The following SH3GL2 variants were observed in gnomAD, a reference collection of about 807,000 sequenced individuals.
The protein encoded by SH3GL2 is SH3 domain containing GRB2 like 2, endophilin A1.
In SH3GL2, 24 loss-of-function variants were observed where a neutral mutation model predicts 46.0. That is an observed-to-expected ratio of 0.52 (90% CI 0.38 to 0.73). The LOEUF is 0.73. Ranked by LOEUF, SH3GL2 falls within the 30% of genes least tolerant of loss-of-function variation. The pLI is 0.00. For synonymous variants in SH3GL2, 196 were observed against 147.1 expected, an observed-to-expected ratio of 1.33 and a Z score of -2.40; for missense variants, 413 against 424.2, an observed-to-expected ratio of 0.97 and a Z score of 0.23.
At chr9:17,783,548 GATGCTACAGATT>G (rs1823872599) in intron 3 of SH3GL2, among the ~76,000 whole-genome samples, 1 of 151,992 alleles carries the variant, frequency 6.6e-6, no homozygotes, top group Non-Finnish European at 1.5e-5. Context: ...GCTCGTCAGG[GATGCTACAGATT>G]ATGCTTTAGA....
At chr9:17,635,594 C>A (rs573021735) in intron 1 of SH3GL2, among the ~76,000 whole-genome samples, 1 of 152,276 alleles carries the variant, frequency 6.6e-6, no homozygotes, top group South Asian at 2.1e-4. Context: ...GCACATGCCT[C>A]CTGGGGTTCG....
intron 3 of SH3GL2, among the ~76,000 whole-genome samples, chr9:17,777,902 A>C (rs1480017461): frequency 6.6e-6 from 1 of 151,972 alleles, no homozygotes; most frequent in Non-Finnish European, 1.5e-5. Context: ...TACCAACTCT[A>C]TTCCTTTAGC....
chr9:17,733,011 G>A (rs960484543), intron 1 of SH3GL2, among the ~76,000 whole-genome samples: 10 of 151,958 alleles, frequency 6.6e-5, no homozygotes, highest in African/African-American at 2.4e-4. Flanking sequence ...CCACGTCCTT[G>A]GCAGTTCTTA....
intron 1 of SH3GL2, among the ~76,000 whole-genome samples, chr9:17,662,129 G>C (rs1254706043): frequency 4.1e-4 from 62 of 152,296 alleles, no homozygotes; most frequent in Non-Finnish European, 8.8e-5. Context: ...TGCATTCTTT[G>C]TGTTCTGTAA....
intron 1 of SH3GL2, among the ~76,000 whole-genome samples, chr9:17,727,493 G>A (rs1281188302): frequency 3.3e-5 from 5 of 152,098 alleles, no homozygotes; most frequent in Admixed American, 1.3e-4. Context: ...TGTGCCCAGG[G>A]CCATGCCCTC....
At chr9:17,604,066 C>T (rs373602035) in intron 1 of SH3GL2, among the ~76,000 whole-genome samples, 35 of 152,294 alleles carry the variant, frequency 2.3e-4, no homozygotes, top group African/African-American at 6.7e-4. Flanking sequence ...CCTGGTCCTA[C>T]GCTTGTTACA....
intron 2 of SH3GL2, chr9:17,755,634 C>G (rs1822966120): frequency 5.4e-6 from 1 of 184,302 alleles, no homozygotes; most frequent in Non-Finnish European, 1.0e-5. Context: ...TCACTAAACT[C>G]ACAAAGTGTT....
intron 1 of SH3GL2, among the ~76,000 whole-genome samples, chr9:17,694,486 T>C (rs1821157350): frequency 6.6e-6 from 1 of 152,200 alleles, no homozygotes; most frequent in African/African-American, 2.4e-5. Context: ...GGATTTGCTA[T>C]ATACTAGACT....
At chr9:17,579,353 C>A (rs1484609836) in intron 1 of SH3GL2, 66 bp downstream of exon 1, 2 of 1,187,406 alleles carry the variant, frequency 1.7e-6, no homozygotes, top group African/African-American at 3.2e-5. Context: ...GCGCTCGGCG[C>A]TGGCCGTCCG....
chr9:17,782,870 A>T (rs1374451176), intron 3 of SH3GL2, among the ~76,000 whole-genome samples: 1 of 152,164 alleles, frequency 6.6e-6, no homozygotes, highest in Non-Finnish European at 1.5e-5. Context: ...TCTCTAACGC[A>T]CGCCAGCCTT....
intron 1 of SH3GL2, among the ~76,000 whole-genome samples, chr9:17,588,136 C>A (rs1458501286): frequency 6.6e-6 from 1 of 152,128 alleles, no homozygotes; most frequent in African/African-American, 2.4e-5. Flanking sequence ...TTATTTGCTT[C>A]AGGGACTCAG....
At chr9:17,702,237 A>T (rs1012803399) in intron 1 of SH3GL2, among the ~76,000 whole-genome samples, 1 of 152,146 alleles carries the variant, frequency 6.6e-6, no homozygotes, top group African/African-American at 2.4e-5. Context: ...TCACATTGGC[A>T]GGACCAGGAA....
chr9:17,593,193 C>G (rs1358990610), intron 1 of SH3GL2, among the ~76,000 whole-genome samples: 1 of 152,198 alleles, frequency 6.6e-6, no homozygotes, highest in Non-Finnish European at 1.5e-5. Context: ...TCCCTGAGTT[C>G]CGTGTGCTGC....
intron 1 of SH3GL2, among the ~76,000 whole-genome samples, chr9:17,726,958 T>C (rs1315933453): frequency 6.6e-6 from 1 of 152,146 alleles, no homozygotes; most frequent in Non-Finnish European, 1.5e-5. Context: ...CTACAAGGCA[T>C]AGATTCCAGG....
Position 17,645,151 on chromosome 9 carries a change from C to CTTTTTTTTTTTT in SH3GL2, c.45+65884_45+65895dup, listed in dbSNP as rs57611978. Among the ~76,000 whole-genome samples, 7 of 68,778 alleles carry CTTTTTTTTTTTT rather than the reference C, an allele frequency of 1.0e-4. 1 individual carries two copies. The highest frequency in any genetic ancestry group is 2.0e-4 in the African/African-American group (3 of 15,360). The allele number at this position is 68,778 out of a possible 152,430, so 45.1% of individuals were successfully genotyped here. On this transcript the variant is annotated intron_variant, in intron 1 of 8. Coordinates refer to ENST00000380607, the MANE Select transcript of SH3GL2 (RefSeq NM_003026.5). ...TCAGAGACTAGGATTGCAAACGCTG[C>CTTTTTTTTTTTT]TTTTTTTTTTTTTTTTTTTTTTTTT...
At chr9:17,649,206 C>T (rs1819896139) in intron 1 of SH3GL2, among the ~76,000 whole-genome samples, 1 of 152,218 alleles carries the variant, frequency 6.6e-6, no homozygotes, top group African/African-American at 2.4e-5. Context: ...GCTGGAATTA[C>T]AGGCATGTGC....
chr9:17,795,580 A>T lies in SH3GL2; in HGVS notation c.896A>T (p.Tyr299Phe). 6.2e-7 allele frequency: 1 copy of T among 1,614,026 alleles called. No individual in the cohort carries two copies. The highest frequency in any genetic ancestry group is 2.2e-5 in the East Asian group (1 of 44,848). The part of the protein sequence containing the change: ...QMDQPCCRAL[Y>F]DFEPENEGEL... ...GATCAGCCCTGCTGCCGAGCTCTGTACGACTTTGAACCTGAAAATGAAGGG... is the reference window on the plus strand; with the variant it reads ...GATCAGCCCTGCTGCCGAGCTCTGTTCGACTTTGAACCTGAAAATGAAGGG... The change falls in exon 9 of 9, where the codon TAC becomes TTC. Residue 299 changes from tyrosine to phenylalanine, a missense_variant. Transcript: ENST00000380607.
chr9:17,763,636 A>G lies in SH3GL2; in HGVS notation c.187+2127A>G, dbSNP rs149776224. ...TGATTTCAGACTTCCGGTATGCTGA[A>G]CTGTGAGGGAATCAATTCTTTTCTT... is the stretch of plus-strand genomic sequence containing the variant. On this transcript the variant is annotated intron_variant, in intron 3 of 8. Transcript: ENST00000380607. Among the ~76,000 whole-genome samples the G allele has an allele frequency of 5.1e-3, 778 of 152,348 alleles. 8 individuals carry two copies. Among genetic ancestry groups the G allele is most frequent in the African/African-American group, 0.017 (725 of 41,580 alleles).
chr9:17,622,479 G>A (rs1469341384), intron 1 of SH3GL2, among the ~76,000 whole-genome samples: 1 of 152,134 alleles, frequency 6.6e-6, no homozygotes, highest in African/African-American at 2.4e-5. Flanking sequence ...TGGGTGTCCA[G>A]GCCACTTGTG....
Sources: allele counts gnomAD v4.1 joint callset (sites outside exome capture counted in the v4.1 genomes callset), GRCh38; gene constraint gnomAD v4.1.1; transcripts MANE v1.5; gene names NCBI Gene and HGNC (gene_info 2026-07-23, HGNC 2026-07-21).